Variants in ERC2 observed in about 807,000 individuals in gnomAD.
The protein encoded by ERC2 is ERC protein 2.
ERC2 carries 42 observed loss-of-function variants against 114.8 expected under a neutral mutation model. The ratio of observed to expected loss-of-function variants is 0.37; its 90% CI spans 0.29 to 0.47. The LOEUF (loss-of-function observed/expected upper bound fraction) is 0.47. ERC2 is among the 20% of genes least tolerant of loss of function. ERC2 has a pLI of 0.99. For missense variants in ERC2, 939 were observed against 1,150.7 expected (o/e 0.82, Z 2.66); for synonymous variants, 454 against 425.5 (o/e 1.07, Z -0.82).
At chr3:56,052,807 C>T (rs960217831) in intron 7 of ERC2, among the ~76,000 whole-genome samples, 2 of 152,120 alleles carry the variant, frequency 1.3e-5, no homozygotes, top group African/African-American at 4.8e-5. Context: ...ATTAGTAGTA[C>T]TAATCTTTCC....
intron 14 of ERC2, among the ~76,000 whole-genome samples, chr3:55,855,542 A>AG (rs1179397365): frequency 3.3e-5 from 5 of 152,158 alleles, no homozygotes; most frequent in African/African-American, 7.2e-5. Context: ...TTTCTTTGGT[A>AG]GGGGGGGATG....
chr3:55,527,866 C>G (rs1031062434), intron 17 of ERC2, among the ~76,000 whole-genome samples: 1 of 152,158 alleles, frequency 6.6e-6, no homozygotes, highest in Non-Finnish European at 1.5e-5. Flanking sequence ...TTTCTGATCT[C>G]TGTCTCTCAA....
intron 14 of ERC2, among the ~76,000 whole-genome samples, chr3:55,829,974 A>G: frequency 6.6e-6 from 1 of 152,230 alleles, no homozygotes; most frequent in East Asian, 1.9e-4. Context: ...GCCAACTTCA[A>G]ACAGGAGAAA....
intron 17 of ERC2, among the ~76,000 whole-genome samples, chr3:55,674,134 T>A (rs1376515501): frequency 6.6e-6 from 1 of 152,128 alleles, no homozygotes; most frequent in Non-Finnish European, 1.5e-5. Context: ...GCAGAGCATA[T>A]CTTAAAATTA....
chr3:56,422,696 T>C (rs942411680), intron 2 of ERC2, among the ~76,000 whole-genome samples: 6 of 152,154 alleles, frequency 3.9e-5, no homozygotes, highest in Non-Finnish European at 7.4e-5. Flanking sequence ...TTGATGTTTT[T>C]CCCTTCAAGA....
chr3:56,245,927 T>A (rs1353705763), intron 3 of ERC2, among the ~76,000 whole-genome samples: 1 of 152,116 alleles, frequency 6.6e-6, no homozygotes. Context: ...AGTAGATACA[T>A]ACCTTTTAGC....
chr3:56,228,925 G>A (rs2050428165), intron 3 of ERC2, among the ~76,000 whole-genome samples: 1 of 152,054 alleles, frequency 6.6e-6, no homozygotes, highest in Non-Finnish European at 1.5e-5. Context: ...GGCAGGGAGG[G>A]GTTCCAGTTC....
intron 13 of ERC2, among the ~76,000 whole-genome samples, chr3:55,893,370 G>C (rs1042536277): frequency 2.0e-5 from 3 of 152,074 alleles, no homozygotes; most frequent in Admixed American, 2.0e-4. Flanking sequence ...GATGCATTGA[G>C]GTCTGTCTCT....
chr3:55,998,158 A>T lies in ERC2; in HGVS notation c.2062-5908T>A, dbSNP rs2071744092. On this transcript the variant is annotated intron_variant, in intron 10 of 17. Coordinates refer to ENST00000288221, the MANE Select transcript of ERC2 (RefSeq NM_015576.3). ...AAAATTTGTGTATTAAAACAACCAC[A>T]CCAAAAAAATTATTTTCATAGATGG... Among the ~76,000 whole-genome samples the T allele has an allele frequency of 2.0e-5, 3 of 151,512 alleles. No individual in the cohort carries two copies. The South Asian group carries it at 6.2e-4, about 31-fold the overall frequency.
At chr3:56,255,512 A>T (rs2052458094) in intron 3 of ERC2, among the ~76,000 whole-genome samples, 1 of 152,038 alleles carries the variant, frequency 6.6e-6, no homozygotes, top group Admixed American at 6.6e-5. Flanking sequence ...GCATCATCTC[A>T]TCTCCCTGGG....
At chr3:56,175,603 G>A (rs1343116706) in intron 3 of ERC2, among the ~76,000 whole-genome samples, 1 of 152,112 alleles carries the variant, frequency 6.6e-6, no homozygotes, top group Non-Finnish European at 1.5e-5. Context: ...ACCAAATGAA[G>A]AAGATGTTAT....
intron 12 of ERC2, chr3:55,955,206 G>A (rs753788786): frequency 2.0e-6 from 1 of 508,600 alleles, no homozygotes; most frequent in Admixed American, 2.0e-5. Flanking sequence ...AATAGTTTTG[G>A]GAGGAAATGG....
intron 15 of ERC2, among the ~76,000 whole-genome samples, chr3:55,725,051 G>T (rs1012653827): frequency 3.3e-5 from 5 of 152,198 alleles, no homozygotes; most frequent in African/African-American, 4.8e-5. Context: ...CACAGTGAGA[G>T]ATCTTCTTGG....
At chr3:55,938,887 A>G (rs1367615500) in intron 13 of ERC2, among the ~76,000 whole-genome samples, 1 of 152,224 alleles carries the variant, frequency 6.6e-6, no homozygotes, top group African/African-American at 2.4e-5. Context: ...AAAAATTTCA[A>G]TTTTATATTT....
chr3:55,643,722 G>C (rs1049295892), intron 17 of ERC2, among the ~76,000 whole-genome samples: 4 of 152,094 alleles, frequency 2.6e-5, no homozygotes, highest in Non-Finnish European at 5.9e-5. Flanking sequence ...ATGTATTACT[G>C]AACAAGCATA....
At chr3:56,102,998 T>C (rs9811790) in intron 6 of ERC2, among the ~76,000 whole-genome samples, 26,144 of 152,082 alleles carry the variant, frequency 0.17, 2,455 homozygotes, top group African/African-American at 0.23. Flanking sequence ...TATCACTGGG[T>C]TAGCAGGAAG....
In ERC2 at chr3:55,621,522, G is replaced by C. The variant is rs545590061; in HGVS notation, c.*39+62272C>G. Among the ~76,000 whole-genome samples the C allele has an allele frequency of 1.9e-3, 290 of 152,120 alleles. 1 individual carries two copies. The highest frequency in any genetic ancestry group is 3.7e-3 in the Non-Finnish European group (252 of 67,986). On this transcript the variant is annotated intron_variant, in intron 17 of 17. Coordinates refer to ENST00000288221, the MANE Select transcript of ERC2 (RefSeq NM_015576.3). ...TTTCTTCTTTTAACAAGGCCCCCAA[G>C]CACTGATTTCAGGCACTGTACTAGG...
intron 6 of ERC2, among the ~76,000 whole-genome samples, chr3:56,134,486 A>G (rs2080379591): frequency 1.3e-5 from 2 of 152,254 alleles, no homozygotes; most frequent in African/African-American, 4.8e-5. Context: ...GTTCTTGGAA[A>G]TGCTCTAGAG....
intron 14 of ERC2, among the ~76,000 whole-genome samples, chr3:55,776,889 T>G (rs145977645): frequency 7.2e-5 from 11 of 152,326 alleles, no homozygotes; most frequent in African/African-American, 2.6e-4. Flanking sequence ...TTAGTATTCG[T>G]TGTAGTTTTT....
Sources: allele counts gnomAD v4.1 joint callset (sites outside exome capture counted in the v4.1 genomes callset), GRCh38; gene constraint gnomAD v4.1.1; transcripts MANE v1.5; gene names NCBI Gene and HGNC (gene_info 2026-07-23, HGNC 2026-07-21).